Variants in TMTC2 observed in about 807,000 individuals in gnomAD.
TMTC2 encodes protein O-mannosyl-transferase TMTC2.
In TMTC2, 43 loss-of-function variants were observed where a neutral mutation model predicts 82.4. The ratio of observed to expected loss-of-function variants is 0.52; its 90% CI spans 0.41 to 0.67. TMTC2 has a LOEUF of 0.67. Ranked by LOEUF, TMTC2 falls within the 30% of genes least tolerant of loss-of-function variation. The pLI, the probability that TMTC2 is intolerant of heterozygous loss-of-function variation, is 0.00. For missense variants in TMTC2, 919 were observed against 1,012.4 expected, an observed-to-expected ratio of 0.91 and a Z score of 1.25; for synonymous variants, 408 against 381.9, an observed-to-expected ratio of 1.07 and a Z score of -0.80.
intron 1 of TMTC2, among the ~76,000 whole-genome samples, chr12:82,775,247 G>T (rs1174243549): frequency 6.6e-6 from 1 of 152,060 alleles, no homozygotes; most frequent in Non-Finnish European, 1.5e-5. Context: ...CTAGGAGTTT[G>T]AGACCGGCCT....
At chr12:82,895,448 G>A (rs1030703566) in intron 2 of TMTC2, among the ~76,000 whole-genome samples, 3 of 152,250 alleles carry the variant, frequency 2.0e-5, no homozygotes, top group Admixed American at 6.5e-5. Context: ...ATCTTATGCA[G>A]AGTGCTAAGT....
intron 2 of TMTC2, among the ~76,000 whole-genome samples, chr12:82,882,483 A>C (rs1417098853): frequency 5.3e-5 from 8 of 152,060 alleles, no homozygotes; most frequent in Non-Finnish European, 1.2e-4. Flanking sequence ...TGTATCTGAA[A>C]ATTTATAATG....
At chr12:82,860,334 G>A (rs904073581) in intron 2 of TMTC2, among the ~76,000 whole-genome samples, 1 of 152,114 alleles carries the variant, frequency 6.6e-6, no homozygotes, top group Admixed American at 6.5e-5. Context: ...TTCCATCTGG[G>A]GTGTGGAGAG....
At chr12:83,024,960 G>A (rs58587249) in intron 8 of TMTC2, among the ~76,000 whole-genome samples, 16,312 of 152,172 alleles carry the variant, frequency 0.11, 1,411 homozygotes, top group East Asian at 0.29. Flanking sequence ...GGGAGGCCAC[G>A]GCAGCTGGAT....
chr12:82,716,456 C>T (rs1185445797), intron 1 of TMTC2, among the ~76,000 whole-genome samples: 6 of 151,772 alleles, frequency 4.0e-5, no homozygotes, highest in Middle Eastern at 3.4e-3. Context: ...CTCCGCCTCC[C>T]GGGTTCACGC....
At chr12:83,100,241 C>T (rs181137710) in intron 11 of TMTC2, among the ~76,000 whole-genome samples, 4 of 152,150 alleles carry the variant, frequency 2.6e-5, no homozygotes, top group East Asian at 3.9e-4. Flanking sequence ...TTTCAACCTG[C>T]GAGCACATCG....
At chr12:83,037,270 T>C (rs1881700921) in intron 9 of TMTC2, among the ~76,000 whole-genome samples, 1 of 152,180 alleles carries the variant, frequency 6.6e-6, no homozygotes. Flanking sequence ...GTTGAATTGG[T>C]GAGTGGCCTG....
At chr12:83,070,876 T>C (rs781358112) in intron 11 of TMTC2, among the ~76,000 whole-genome samples, 1 of 152,154 alleles carries the variant, frequency 6.6e-6, no homozygotes, top group African/African-American at 2.4e-5. Flanking sequence ...TGTATGCCGA[T>C]TTGCTGAGAG....
intron 4 of TMTC2, among the ~76,000 whole-genome samples, chr12:82,958,354 C>CAAAA (rs750819932): frequency 3.5e-4 from 7 of 19,948 alleles, no homozygotes; most frequent in East Asian, 2.5e-3. Flanking sequence ...GAGTCTGTCT[C>CAAAA]AAAAAAAAAA....
chr12:83,036,674 T>C (rs1350473697), intron 9 of TMTC2, among the ~76,000 whole-genome samples: 1 of 152,178 alleles, frequency 6.6e-6, no homozygotes, highest in Non-Finnish European at 1.5e-5. Flanking sequence ...TCTACTGTTA[T>C]TATTATACTC....
intron 1 of TMTC2, among the ~76,000 whole-genome samples, chr12:82,697,235 T>G (rs921307123): frequency 6.8e-6 from 1 of 148,070 alleles, no homozygotes. Flanking sequence ...TCCCAGCTAC[T>G]CAGGAGGCTG....
At chr12:83,033,765 A>G (rs1343483699) in intron 9 of TMTC2, among the ~76,000 whole-genome samples, 1 of 151,408 alleles carries the variant, frequency 6.6e-6, no homozygotes, top group Non-Finnish European at 1.5e-5. Context: ...AAAAATAAAT[A>G]AATAAACAAA....
chr12:83,133,183 T>C lies in TMTC2; in HGVS notation c.*794T>C, dbSNP rs2137577899. Reference sequence around the variant, plus strand: ...CCCCAAACTGCCCAGTAGAATTCATTGTATTAATTCTTTTGAAATTACCTT... The same window carrying C: ...CCCCAAACTGCCCAGTAGAATTCATCGTATTAATTCTTTTGAAATTACCTT... On this transcript the variant is annotated 3_prime_UTR_variant, in exon 12 of 12. Transcript: ENST00000321196. The C allele has an allele frequency of 6.6e-6, 1 of 152,330 alleles. No individual in the cohort carries two copies. The highest frequency in any genetic ancestry group is 2.4e-5 in the African/African-American group (1 of 41,576). The allele number at this position is 152,330 out of a possible 1,614,324, so 9.4% of individuals were successfully genotyped here.
At position 82,882,669 on chromosome 12, in the gene TMTC2, T is replaced by C. The variant is rs536002266; in HGVS notation, c.655-13149T>C. 4.6e-5 allele frequency among the ~76,000 whole-genome samples: 7 copies of C among 152,208 alleles called. No individual in the cohort carries two copies. In the East Asian group the frequency reaches 1.4e-3, roughly 29 times the overall value. ...AGCCCAAGTAAGTGCCACAATGCTG[T>C]CTGGAAATTGCTGAATAGTTTAAAA... On this transcript the variant is annotated intron_variant, in intron 2 of 11. Coordinates refer to ENST00000321196, the MANE Select transcript of TMTC2 (RefSeq NM_152588.3).
At chr12:82,770,966 T>C (rs1200395601) in intron 1 of TMTC2, among the ~76,000 whole-genome samples, 1 of 152,072 alleles carries the variant, frequency 6.6e-6, no homozygotes, top group East Asian at 1.9e-4. Flanking sequence ...TCCAGCACTT[T>C]GGGAGGCTGA....
intron 4 of TMTC2, among the ~76,000 whole-genome samples, chr12:82,961,593 A>G (rs1279168356): frequency 1.3e-5 from 2 of 151,910 alleles, no homozygotes; most frequent in Non-Finnish European, 2.9e-5. Context: ...AACTAGAGGG[A>G]GTTGGTTAAT....
chr12:82,802,965 C>T (rs569232892), intron 1 of TMTC2, among the ~76,000 whole-genome samples: 9 of 152,072 alleles, frequency 5.9e-5, no homozygotes, highest in East Asian at 3.9e-4. Flanking sequence ...TAATGAAAGT[C>T]GGAATGTAGA....
Position 82,716,552 on chromosome 12 carries a change from C to T in TMTC2, c.83+28883C>T, listed in dbSNP as rs537390993. Among the ~76,000 whole-genome samples, 252 of 152,058 alleles carry T rather than the reference C, an allele frequency of 1.7e-3. 1 individual carries two copies. The highest frequency in any genetic ancestry group is 5.9e-3 in the African/African-American group (243 of 41,506). On this transcript the variant is annotated intron_variant, in intron 1 of 11. Transcript: ENST00000321196. ...CTAATTTTTGTATTTTTAGTAGAGA[C>T]GGGGTTTCACCGTGTTAGCCAGGAT...
intron 1 of TMTC2, among the ~76,000 whole-genome samples, chr12:82,817,427 T>C (rs1868807906): frequency 6.6e-6 from 1 of 152,166 alleles, no homozygotes; most frequent in Admixed American, 6.5e-5. Flanking sequence ...TATAGTTCAG[T>C]TGTTCTTTTT....
Sources: gnomAD v4.1 joint callset for allele counts (sites outside exome capture counted in the v4.1 genomes callset) on GRCh38, gnomAD v4.1.1 for gene constraint, MANE v1.5 for transcripts, NCBI Gene and HGNC (gene_info 2026-07-23, HGNC 2026-07-21) for gene names.